Variants in DPP6 observed in about 807,000 individuals in gnomAD.
The protein encoded by DPP6 is A-type potassium channel modulatory protein DPP6.
Under a neutral mutation model 122.6 loss-of-function variants are expected in DPP6, and 69 were observed. That is an observed-to-expected ratio of 0.56 (90% CI 0.46 to 0.69). The LOEUF (loss-of-function observed/expected upper bound fraction) is 0.69. DPP6 is among the 30% of genes least tolerant of loss of function. DPP6 has a pLI of 0.00. For missense variants in DPP6, 928 were observed against 1,116.9 expected (o/e 0.83, Z 2.41); for synonymous variants, 418 against 433.1 (o/e 0.97, Z 0.43).
At chr7:153,873,280 T>C in the DPP6 span, among the ~76,000 whole-genome samples, 12,692 of 152,226 alleles carry the variant, frequency 0.083, 757 homozygotes, top group East Asian at 0.28. Context: ...CAAACACCTC[T>C]CATTAAGCCC....
intron 1 of DPP6, among the ~76,000 whole-genome samples, chr7:154,319,679 GA>G (rs1167432193): frequency 6.6e-6 from 1 of 150,782 alleles, no homozygotes; most frequent in East Asian, 2.0e-4. Context: ...TGGGCAATAG[GA>G]GTGAGACTTT....
At chr7:154,201,267 A>T (rs1381672245) in intron 1 of DPP6, among the ~76,000 whole-genome samples, 1 of 152,100 alleles carries the variant, frequency 6.6e-6, no homozygotes, top group Non-Finnish European at 1.5e-5. Context: ...AGCTGGGATT[A>T]CAGGCACCTG....
intron 4 of DPP6, among the ~76,000 whole-genome samples, chr7:154,565,979 G>T (rs1017474737): frequency 6.6e-6 from 1 of 152,168 alleles, no homozygotes; most frequent in Admixed American, 6.5e-5. Flanking sequence ...GAGGGCAGGG[G>T]CAATTAAAAG....
chr7:154,635,689 C>A (rs1023659810), intron 5 of DPP6, among the ~76,000 whole-genome samples: 1 of 152,120 alleles, frequency 6.6e-6, no homozygotes, highest in African/African-American at 2.4e-5. Context: ...CCTCATGAGG[C>A]CAGCATCAAG....
At chr7:154,610,731 G>A (rs550365672) in intron 5 of DPP6, among the ~76,000 whole-genome samples, 44 of 149,580 alleles carry the variant, frequency 2.9e-4, no homozygotes, top group African/African-American at 1.1e-3. Flanking sequence ...GTGTGTGTGT[G>A]TGTGTGTGTG....
chr7:153,891,898 A>C (rs1347705963), intron 1 of DPP6, among the ~76,000 whole-genome samples: 18 of 152,198 alleles, frequency 1.2e-4, no homozygotes, highest in Non-Finnish European at 1.5e-5. Context: ...TAGGACACAA[A>C]GCATCAGAGG....
intron 8 of DPP6, among the ~76,000 whole-genome samples, chr7:154,734,440 A>C (rs1842484441): frequency 1.3e-5 from 2 of 152,246 alleles, no homozygotes; most frequent in Non-Finnish European, 2.9e-5. Context: ...GCTCCCAGGT[A>C]GTAGATCAAA....
intron 1 of DPP6, among the ~76,000 whole-genome samples, chr7:154,221,753 G>A (rs1445371876): frequency 2.6e-5 from 4 of 152,152 alleles, no homozygotes; most frequent in Non-Finnish European, 5.9e-5. Context: ...GCTATGTGAA[G>A]GCATCTGAGA....
intron 1 of DPP6, among the ~76,000 whole-genome samples, chr7:154,396,840 G>C (rs988378459): frequency 6.6e-6 from 1 of 152,204 alleles, no homozygotes; most frequent in South Asian, 2.1e-4. Context: ...AGCTACTCAG[G>C]AGGCCAAGGT....
chr7:154,882,002 A>G (rs920416353), intron 21 of DPP6, among the ~76,000 whole-genome samples: 1 of 152,202 alleles, frequency 6.6e-6, no homozygotes, highest in Non-Finnish European at 1.5e-5. Context: ...ACTTCCCAGC[A>G]GACTGGCAGC....
intron 1 of DPP6, among the ~76,000 whole-genome samples, chr7:154,255,848 A>G (rs970930449): frequency 1.3e-5 from 2 of 152,346 alleles, no homozygotes; most frequent in Middle Eastern, 3.4e-3. Flanking sequence ...ATGACTTAGA[A>G]GACCTGGTTA....
chr7:154,770,049 G>A (rs745782931), intron 9 of DPP6, among the ~76,000 whole-genome samples: 10 of 152,302 alleles, frequency 6.6e-5, no homozygotes, highest in Non-Finnish European at 1.2e-4. Context: ...CCAAGGTGAT[G>A]GTATTAGGAG....
the DPP6 span, among the ~76,000 whole-genome samples, chr7:153,841,096 T>C: frequency 6.6e-6 from 1 of 152,170 alleles, no homozygotes; most frequent in Non-Finnish European, 1.5e-5. Context: ...GGTTTGAGTC[T>C]CAGGCAAGAG....
intron 5 of DPP6, among the ~76,000 whole-genome samples, chr7:154,607,227 G>T (rs115129552): frequency 0.022 from 2,628 of 119,590 alleles, 516 homozygotes; most frequent in African/African-American, 0.066. Flanking sequence ...TAGTAATGCT[G>T]GGAGTGTTCC....
chr7:154,840,405 T>G (rs1285643856), intron 16 of DPP6, among the ~76,000 whole-genome samples: 2 of 152,174 alleles, frequency 1.3e-5, no homozygotes, highest in Non-Finnish European at 1.5e-5. Flanking sequence ...CGGAAGCCTT[T>G]CCAGTCTCCT....
intron 16 of DPP6, among the ~76,000 whole-genome samples, chr7:154,815,440 A>G (rs993209746): frequency 2.6e-5 from 4 of 152,188 alleles, no homozygotes; most frequent in Non-Finnish European, 5.9e-5. Context: ...CCCAATTTAC[A>G]TAATTTGTGT....
At chr7:154,189,463 T>A (rs1188785776) in intron 1 of DPP6, among the ~76,000 whole-genome samples, 1 of 152,188 alleles carries the variant, frequency 6.6e-6, no homozygotes, top group African/African-American at 2.4e-5. Flanking sequence ...GTTCAGTTAG[T>A]GGTGTCCAAG....
intron 1 of DPP6, among the ~76,000 whole-genome samples, chr7:153,940,272 G>A (rs970964323): frequency 3.3e-5 from 5 of 152,120 alleles, no homozygotes; most frequent in African/African-American, 1.2e-4. Context: ...TTGAATATTG[G>A]CCAAGGGTCA....
intron 1 of DPP6, among the ~76,000 whole-genome samples, chr7:154,223,379 G>A (rs1585670269): frequency 6.7e-6 from 1 of 149,284 alleles, no homozygotes; most frequent in Non-Finnish European, 1.5e-5. Flanking sequence ...TTGATGATGG[G>A]CAAATATAGA....
Sources: allele counts gnomAD v4.1 joint callset (sites outside exome capture counted in the v4.1 genomes callset), GRCh38; gene constraint gnomAD v4.1.1; transcripts MANE v1.5; gene names NCBI Gene and HGNC (gene_info 2026-07-23, HGNC 2026-07-21).